Variants in AOPEP observed in about 807,000 individuals in gnomAD.
AOPEP encodes the protein aminopeptidase O.
In AOPEP, 77 loss-of-function variants were observed where a neutral mutation model predicts 98.1. The ratio of observed to expected loss-of-function variants is 0.78; its 90% CI spans 0.65 to 0.95. The LOEUF (loss-of-function observed/expected upper bound fraction) is 0.95. Ranked by LOEUF, AOPEP falls within the 40% of genes least tolerant of loss-of-function variation. The pLI is 0.00. For synonymous variants in AOPEP, 346 were observed against 365.3 expected (o/e 0.95, Z 0.60); for missense variants, 1,024 against 1,024.7 (o/e 1.00, Z 0.01).
intron 5 of AOPEP, among the ~76,000 whole-genome samples, chr9:94,809,502 G>C (rs1431970846): frequency 6.6e-6 from 1 of 152,178 alleles, no homozygotes; most frequent in Admixed American, 6.5e-5. Context: ...GATACAGCTG[G>C]AGATGGAATT....
chr9:95,104,840 G>T, the AOPEP span, among the ~76,000 whole-genome samples: 2 of 152,120 alleles, frequency 1.3e-5, no homozygotes, highest in African/African-American at 4.8e-5. Flanking sequence ...ACAGGGCAGG[G>T]CTGACCATCT....
intron 5 of AOPEP, among the ~76,000 whole-genome samples, chr9:94,882,737 T>C (rs2047733280): frequency 6.6e-6 from 1 of 152,224 alleles, no homozygotes. Flanking sequence ...GATTGTGCCA[T>C]TGCATTCCAG....
At chr9:94,763,848 C>G (rs1423589536) in intron 2 of AOPEP, among the ~76,000 whole-genome samples, 1 of 152,118 alleles carries the variant, frequency 6.6e-6, no homozygotes, top group Admixed American at 6.5e-5. Context: ...AGCCATTAGT[C>G]CAGCTGATGT....
At chr9:94,741,380 C>G (rs967642657) in intron 1 of AOPEP, among the ~76,000 whole-genome samples, 51 of 152,040 alleles carry the variant, frequency 3.4e-4, no homozygotes, top group African/African-American at 1.1e-3. Context: ...TCACGCCATT[C>G]TTCTGCTTCA....
At chr9:94,775,845 G>A (rs974770897) in intron 3 of AOPEP, among the ~76,000 whole-genome samples, 3 of 151,988 alleles carry the variant, frequency 2.0e-5, no homozygotes, top group South Asian at 2.1e-4. Flanking sequence ...AATTAGTCAG[G>A]CGTGGTGGCG....
intron 5 of AOPEP, among the ~76,000 whole-genome samples, chr9:94,820,378 T>C (rs112879984): frequency 2.1e-4 from 32 of 152,308 alleles, no homozygotes; most frequent in African/African-American, 7.0e-4. Context: ...AGACGATACA[T>C]ATTATTACTC....
At chr9:95,031,713 AG>A (rs1243743310) in intron 13 of AOPEP, among the ~76,000 whole-genome samples, 1 of 152,192 alleles carries the variant, frequency 6.6e-6, no homozygotes, top group Non-Finnish European at 1.5e-5. Flanking sequence ...TTCTCCGGGT[AG>A]GGGGGAATTA....
chr9:94,790,518 GA>G (rs1359651918), intron 3 of AOPEP, among the ~76,000 whole-genome samples: 5 of 152,126 alleles, frequency 3.3e-5, no homozygotes, highest in Admixed American at 1.3e-4. Flanking sequence ...TCTGGTTCCA[GA>G]AGCAGGGTGC....
chr9:94,845,269 C>T (rs1015960534), intron 5 of AOPEP, among the ~76,000 whole-genome samples: 12 of 152,134 alleles, frequency 7.9e-5, no homozygotes, highest in South Asian at 2.1e-4. Context: ...GCAGAGCCCC[C>T]GAGGTGGGAA....
chr9:94,729,261 G>A (rs1829962791), intron 1 of AOPEP, among the ~76,000 whole-genome samples: 1 of 152,126 alleles, frequency 6.6e-6, no homozygotes, highest in Non-Finnish European at 1.5e-5. Context: ...TTGAAGAAAT[G>A]AACTATGTTA....
the AOPEP span, among the ~76,000 whole-genome samples, chr9:95,106,378 T>C: frequency 2.2e-4 from 34 of 152,262 alleles, no homozygotes; most frequent in African/African-American, 7.5e-4. Flanking sequence ...TAATCATATA[T>C]ATTATTTCCA....
intron 11 of AOPEP, among the ~76,000 whole-genome samples, chr9:95,003,165 T>TGTGTGTGTGTGTGC (rs1196387961): frequency 6.2e-5 from 9 of 145,946 alleles, no homozygotes; most frequent in African/African-American, 2.0e-4. Context: ...TGTGTGTGTG[T>TGTGTGTGTGTGTGC]GCGCGCGCGC....
intron 5 of AOPEP, among the ~76,000 whole-genome samples, chr9:94,913,620 A>T (rs2052392112): frequency 6.6e-6 from 1 of 152,176 alleles, no homozygotes; most frequent in African/African-American, 2.4e-5. Context: ...ATTAAGAGAG[A>T]CATTTACTTT....
At chr9:94,821,853 A>G (rs1248968517) in intron 5 of AOPEP, among the ~76,000 whole-genome samples, 1 of 152,206 alleles carries the variant, frequency 6.6e-6, no homozygotes, top group Non-Finnish European at 1.5e-5. Context: ...AATAAGAACA[A>G]ATTCAGAAAA....
At position 94,760,088 on chromosome 9, in the gene AOPEP, G is replaced by A. The variant is rs1242736551; in HGVS notation, c.305G>A (p.Cys102Tyr). 4 of 1,614,200 alleles carry A rather than the reference G, an allele frequency of 2.5e-6. No individual in the cohort carries two copies. In the South Asian group the frequency reaches 3.3e-5, roughly 13 times the overall value. The change falls in exon 2 of 17, where the codon TGT becomes TAT. Residue 102 changes from cysteine (C) to tyrosine (Y), a missense_variant. Coordinates refer to ENST00000375315, the MANE Select transcript of AOPEP (RefSeq NM_001193329.3). ...ATGGAATATAATGATTTTGCAATCT[G>A]TAGTAAAGGTGAAAAAGATACTTCT... ...SEMEYNDFAICSKGEKDTSDK... is the reference protein window; with the variant it reads ...SEMEYNDFAIYSKGEKDTSDK...
At chr9:94,999,912 A>C (rs567227033) in intron 11 of AOPEP, among the ~76,000 whole-genome samples, 1 of 152,280 alleles carries the variant, frequency 6.6e-6, no homozygotes, top group East Asian at 1.9e-4. Flanking sequence ...AGCATTGTAC[A>C]TGTTCCCTCA....
At chr9:94,967,094 G>A (rs1454770989) in intron 9 of AOPEP, among the ~76,000 whole-genome samples, 2 of 152,150 alleles carry the variant, frequency 1.3e-5, no homozygotes, top group Admixed American at 6.5e-5. Context: ...ACTTTTGATT[G>A]TGCTTGAAAT....
the AOPEP span, among the ~76,000 whole-genome samples, chr9:95,149,547 C>A: frequency 6.6e-6 from 1 of 151,584 alleles, no homozygotes; most frequent in African/African-American, 2.4e-5. Flanking sequence ...GGCACAATCT[C>A]GGCTCACTGC....
At chr9:95,141,944 G>A in the AOPEP span, among the ~76,000 whole-genome samples, 4 of 148,828 alleles carry the variant, frequency 2.7e-5, no homozygotes, top group African/African-American at 9.9e-5. Flanking sequence ...ACAATTACTA[G>A]AGTCAATAAT....
Sources: allele counts gnomAD v4.1 joint callset (sites outside exome capture counted in the v4.1 genomes callset), GRCh38; gene constraint gnomAD v4.1.1; transcripts MANE v1.5; gene names NCBI Gene and HGNC (gene_info 2026-07-23, HGNC 2026-07-21).